The following ADRM1 variants were observed in gnomAD, a reference collection of about 807,000 sequenced individuals.
The protein encoded by ADRM1 is proteasomal ubiquitin receptor ADRM1.
A neutral mutation model predicts 40.1 loss-of-function variants in ADRM1; 2 were observed. The observed-to-expected ratio is 0.05, with a 90% CI of 0.02 to 0.16. ADRM1 has a LOEUF of 0.16. Among genes scored for constraint, ADRM1 ranks in the 10% least tolerant of loss-of-function variants. The pLI is 1.00. For synonymous variants in ADRM1, 287 were observed against 240.4 expected (o/e 1.19, Z -1.79); for missense variants, 467 against 552.5 (o/e 0.85, Z 1.55).
At chr20:62,306,044 T>A (rs1984900268) in intron 3 of ADRM1, 153 bp from the exon 4 acceptor site, 1 of 1,031,256 alleles carries the variant, frequency 9.7e-7, no homozygotes, top group Non-Finnish European at 1.4e-6. Flanking sequence ...CCTCACCTGC[T>A]GGGCCGGGTC....
intron 2 of ADRM1, 92 bp from the exon 3 acceptor site, chr20:62,304,369 C>G: frequency 9.0e-7 from 1 of 1,113,972 alleles, no homozygotes; most frequent in Non-Finnish European, 1.3e-6. Flanking sequence ...GCGCACCCCA[C>G]CCGGTTAGAC....
At chr20:62,303,492 A>C in intron 1 of ADRM1, 76 bp from the exon 2 acceptor site, 2 of 1,434,362 alleles carry the variant, frequency 1.4e-6, no homozygotes, top group Non-Finnish European at 1.9e-6. Context: ...GCTCGCAAAC[A>C]CCCCAGGGGG....
At chr20:62,307,135 C>T (rs1213268077) in intron 5 of ADRM1, among the ~76,000 whole-genome samples, 3 of 152,238 alleles carry the variant, frequency 2.0e-5, no homozygotes, top group Non-Finnish European at 2.9e-5. Context: ...ACTGAATCTT[C>T]TAATCTAAGC....
Position 62,308,382 on chromosome 20 carries a change from C to A in ADRM1, c.1029C>A (p.Phe343Leu). ...TCTTCTTGCAGGCCCTGGGCATGTT[C>A]AGCGCAGCCTTGGCCTCGGGGCAGC... ...SPQFQQALGMFSAALASGQLG... is the reference protein window; with the variant it reads ...SPQFQQALGMLSAALASGQLG... Residue 343 changes from phenylalanine (F) to leucine (L), a missense_variant, in exon 9 of 10, where the codon TTC becomes TTA. By Grantham distance (22) the Phe-to-Leu change is conservative (BLOSUM62 0). This residue lies in a region of ADRM1 where 418 missense variants were observed against 474.6 expected (regional missense o/e 0.88). Coordinates refer to ENST00000253003, the MANE Select transcript of ADRM1 (RefSeq NM_007002.4). 1 of 1,604,954 alleles carries A rather than the reference C, an allele frequency of 6.2e-7. No homozygotes were observed. The highest frequency in any genetic ancestry group is 8.5e-7 in the Non-Finnish European group (1 of 1,177,450).
chr20:62,306,789 C>T, intron 5 of ADRM1, 55 bp downstream of exon 5: 1 of 1,467,762 alleles, frequency 6.8e-7, no homozygotes, highest in Non-Finnish European at 9.3e-7. Flanking sequence ...GCTTTGAGGC[C>T]CGGTCTCTGT....
chr20:62,304,642 C>T, intron 3 of ADRM1, 65 bp downstream of exon 3: 1 of 1,495,732 alleles, frequency 6.7e-7, no homozygotes, highest in South Asian at 1.1e-5. Context: ...AACTTGCTTA[C>T]AGTGTGGTGC....
At chr20:62,308,525 G>A in intron 9 of ADRM1, 55 bp downstream of exon 9, 1 of 1,564,410 alleles carries the variant, frequency 6.4e-7, no homozygotes, top group Non-Finnish European at 8.7e-7. Flanking sequence ...GTCCATTCCT[G>A]TCCCCCTGGA....
chr20:62,306,175 T>G, intron 3 of ADRM1, 22 bp from the exon 4 acceptor site: 1 of 1,602,258 alleles, frequency 6.2e-7, no homozygotes. Context: ...GCTCCTGCCC[T>G]TACATGCCCT....
chr20:62,305,119 G>A (rs887017560), intron 3 of ADRM1, among the ~76,000 whole-genome samples: 4 of 152,238 alleles, frequency 2.6e-5, no homozygotes, highest in South Asian at 2.1e-4. Flanking sequence ...GCTTGTTGCC[G>A]TTTTTTGTGC....
rs762504076 is a variant in ADRM1, at chr20:62,303,646, T to C, written c.78T>C (p.Phe26=). 10 of 1,611,744 alleles carry C rather than the reference T, an allele frequency of 6.2e-6. No individual in the cohort carries two copies. In the South Asian group the frequency reaches 9.9e-5, roughly 16 times the overall value. Residue 26 remains phenylalanine, a synonymous_variant, in exon 2 of 10, where the codon TTT becomes TTC. Coordinates refer to ENST00000253003, the MANE Select transcript of ADRM1 (RefSeq NM_007002.4). ...RGASNKYLVE[F]RAGKMSLKGT... ...CCTCCAACAAGTACTTGGTGGAGTT[T>C]CGGGCGGGAAAGATGTCCCTGAAGG...
Position 62,308,064 on chromosome 20 carries a change from C to T in ADRM1, c.900C>T (p.Ile300=), listed in dbSNP as rs1389262709. The T allele has an allele frequency of 6.2e-7, 1 of 1,611,752 alleles. No homozygotes were observed. The highest frequency in any genetic ancestry group is 1.7e-5 in the Admixed American group (1 of 59,966). ...SVLTPEIMAP[I]LANADVQERL... ...TGACGCCGGAGATAATGGCTCCCATCCTCGCCAACGCGGATGTCCAGGAGC... is the reference window on the plus strand; with the variant it reads ...TGACGCCGGAGATAATGGCTCCCATTCTCGCCAACGCGGATGTCCAGGAGC... Residue 300 remains isoleucine (I), a synonymous_variant, in exon 8 of 10, where the codon ATC becomes ATT. Coordinates refer to ENST00000253003, the MANE Select transcript of ADRM1 (RefSeq NM_007002.4).
At position 62,306,709 on chromosome 20, in the gene ADRM1, C is replaced by T. The variant is rs761383163; in HGVS notation, c.516C>T (p.Ile172=). The T allele has an allele frequency of 7.5e-5, 121 of 1,608,722 alleles. No individual in the cohort carries two copies. Among genetic ancestry groups the T allele is most frequent in the Non-Finnish European group, 9.8e-5 (116 of 1,177,994 alleles). Residue 172 remains isoleucine, a synonymous_variant, in exon 5 of 10, where the codon ATC becomes ATT. Transcript: ENST00000253003. ...NMSHSQLMQL[I]GPAGLGGLGG... The stretch of plus-strand genomic sequence containing the variant: ...GCCACAGCCAGCTCATGCAGCTCAT[C>T]GGACCAGCCGGCCTTGGAGGACTGG...
intron 1 of ADRM1, 154 bp from the exon 2 acceptor site, chr20:62,303,414 G>T: frequency 1.3e-6 from 1 of 748,570 alleles, no homozygotes; most frequent in Non-Finnish European, 2.1e-6. Context: ...GTCGTGAGCG[G>T]GGCAAACGCG....
intron 3 of ADRM1, among the ~76,000 whole-genome samples, chr20:62,305,159 CG>C (rs1463833504): frequency 1.3e-5 from 2 of 152,212 alleles, no homozygotes; most frequent in Non-Finnish European, 1.5e-5. Context: ...AAGAATTTCC[CG>C]GTACACAGAT....
intron 2 of ADRM1, chr20:62,304,214 C>T (rs941201367): frequency 3.9e-5 from 21 of 535,562 alleles, no homozygotes; most frequent in South Asian, 8.4e-5. Context: ...GTTTCCAGCA[C>T]GTCTCAGAAA....
rs764430564 is a variant in ADRM1, at chr20:62,308,470, G to A, written c.1117G>A (p.Asp373Asn). Residue 373 changes from aspartate to asparagine, a missense_variant and splice_region_variant, in exon 9 of 10, where the codon GAT (aspartate) becomes AAT (asparagine). Coordinates refer to ENST00000253003, the MANE Select transcript of ADRM1 (RefSeq NM_007002.4). ...AEAVEAANKG[D>N]VEAFAKAMQN... ...GGCTGTGGAGGCCGCCAACAAGGGC[G>A]GTAAGTGGCTGCGCCTGCACCTCCA... is the stretch of plus-strand genomic sequence containing the variant. 3.1e-6 allele frequency: 5 copies of A among 1,600,466 alleles called. No individual in the cohort carries two copies. The highest frequency in any genetic ancestry group is 2.2e-5 in the East Asian group (1 of 44,446).
Position 62,304,487 on chromosome 20 carries a change from T to G in ADRM1, c.240T>G (p.Cys80Trp). 6.2e-7 allele frequency: 1 copy of G among 1,613,846 alleles called. No individual in the cohort carries two copies. The highest frequency in any genetic ancestry group is 8.5e-7 in the Non-Finnish European group (1 of 1,179,904). Residue 80 changes from cysteine (C) to tryptophan (W), a missense_variant, in exon 3 of 10, where the codon TGT becomes TGG. Physicochemically the swap from Cys to Trp is radical, Grantham distance 215. Around this residue, in one of 3 missense-constraint regions of ADRM1, gnomAD observed 418 missense variants for 474.6 expected, o/e 0.88. Transcript: ENST00000253003. ...EDDLIIFPDDCEFKRVPQCPS... is the reference protein window; with the variant it reads ...EDDLIIFPDDWEFKRVPQCPS... ...ACTTGATCATCTTCCCTGACGACTG[T>G]GAGTTCAAGCGGGTGCCGCAGTGCC...
At chr20:62,307,955 C>T (rs1448975423) in intron 7 of ADRM1, 66 bp from the exon 8 acceptor site, 3 of 1,568,482 alleles carry the variant, frequency 1.9e-6, no homozygotes, top group African/African-American at 1.3e-5. Context: ...TGAGTCCCTG[C>T]TTGCATGCCT....
intron 4 of ADRM1, 143 bp downstream of exon 4, chr20:62,306,463 C>T (rs1435999941): frequency 2.9e-6 from 4 of 1,374,804 alleles, no homozygotes; most frequent in Non-Finnish European, 4.1e-6. Flanking sequence ...CTCCCTGGGT[C>T]ACTCCCCACT....
Sources: gnomAD v4.1 joint callset for allele counts (sites outside exome capture counted in the v4.1 genomes callset) on GRCh38, gnomAD v4.1.1 for gene constraint, gnomAD v4.1.1 regional missense constraint, MANE v1.5 for transcripts, NCBI Gene and HGNC (gene_info 2026-07-23, HGNC 2026-07-21) for gene names.